Variants in NTRK3 observed in about 807,000 individuals in gnomAD.
NTRK3 encodes the protein neurotrophic receptor tyrosine kinase 3, also known as NT-3 growth factor receptor.
In NTRK3, 24 loss-of-function variants were observed where a neutral mutation model predicts 91.7. The ratio of observed to expected loss-of-function variants is 0.26; its 90% CI spans 0.19 to 0.37. NTRK3 has a LOEUF of 0.37. NTRK3 is among the 10% of genes least tolerant of loss of function. NTRK3 has a pLI of 1.00. For synonymous variants in NTRK3, 483 were observed against 404.0 expected (o/e 1.20, Z -2.34); for missense variants, 880 against 1,068.9 (o/e 0.82, Z 2.46).
intron 13 of NTRK3, among the ~76,000 whole-genome samples, chr15:88,074,932 T>C (rs897615345): frequency 6.6e-6 from 1 of 152,192 alleles, no homozygotes; most frequent in African/African-American, 2.4e-5. Context: ...TGAGCTGATG[T>C]ATGATGTAAG....
At chr15:88,080,633 G>C (rs1288615311) in intron 13 of NTRK3, among the ~76,000 whole-genome samples, 1 of 152,214 alleles carries the variant, frequency 6.6e-6, no homozygotes, top group Non-Finnish European at 1.5e-5. Flanking sequence ...ATCACTTACA[G>C]GAAGTCCCAG....
chr15:88,090,474 T>C (rs1014473206), intron 13 of NTRK3, among the ~76,000 whole-genome samples: 38 of 152,020 alleles, frequency 2.5e-4, no homozygotes, highest in African/African-American at 8.0e-4. Flanking sequence ...TATAAATATA[T>C]ACAAAAAGGA....
intron 14 of NTRK3, among the ~76,000 whole-genome samples, chr15:88,016,628 C>A (rs2077249506): frequency 6.6e-6 from 1 of 152,226 alleles, no homozygotes; most frequent in East Asian, 1.9e-4. Context: ...TACATTCCAA[C>A]ACTGTAAGAT....
chr15:87,936,174 A>G (rs1287495596), intron 15 of NTRK3, among the ~76,000 whole-genome samples: 1 of 152,238 alleles, frequency 6.6e-6, no homozygotes, highest in African/African-American at 2.4e-5. Context: ...GAACCGATTT[A>G]TCATAGTTAC....
intron 3 of NTRK3, among the ~76,000 whole-genome samples, chr15:88,244,948 C>T (rs1392954839): frequency 6.6e-6 from 1 of 152,248 alleles, no homozygotes; most frequent in Non-Finnish European, 1.5e-5. Context: ...AGATTTCTGG[C>T]ATCCAGATTT....
rs182059726 is a variant in NTRK3, at chr15:88,167,442, G to A, written c.395+15976C>T. 6.3e-3 allele frequency among the ~76,000 whole-genome samples: 963 copies of A among 152,226 alleles called. 37 individuals carry two copies. The highest frequency in any genetic ancestry group is 0.058 in the Admixed American group (889 of 15,278). ...TGAAAAAGTCTGAGACCTGGGTCCC[G>A]GCTCCTACTCTACTACTTCTAGCTG... On this transcript the variant is annotated intron_variant, in intron 5 of 18. Transcript: ENST00000394480.
At chr15:87,867,719 G>A in exon 19 of NTRK3, 1 of 228,898 alleles carries the variant, frequency 4.4e-6, no homozygotes, top group Non-Finnish European at 8.7e-6. Flanking sequence ...TTGAGTGTCT[G>A]AGCTTCATAT....
At chr15:88,197,658 C>A (rs1335273741) in intron 3 of NTRK3, among the ~76,000 whole-genome samples, 1 of 152,214 alleles carries the variant, frequency 6.6e-6, no homozygotes, top group African/African-American at 2.4e-5. Flanking sequence ...CAGCTGGAAG[C>A]TGAGAGGAAA....
chr15:87,871,458 C>T, exon 19 of NTRK3: 1 of 230,412 alleles, frequency 4.3e-6, no homozygotes, highest in East Asian at 6.1e-5. Flanking sequence ...TCTGTCTCAC[C>T]CCTCCTAGGG....
intron 13 of NTRK3, among the ~76,000 whole-genome samples, chr15:88,124,701 C>T (rs114745289): frequency 1.4e-4 from 21 of 152,318 alleles, no homozygotes; most frequent in African/African-American, 5.1e-4. Context: ...GTCTCATCTT[C>T]TAGATCTAGA....
intron 14 of NTRK3, among the ~76,000 whole-genome samples, chr15:88,005,431 C>T (rs1420964172): frequency 6.6e-6 from 1 of 152,186 alleles, no homozygotes; most frequent in Non-Finnish European, 1.5e-5. Flanking sequence ...ATGGGTCCAG[C>T]AAAGGGCCTG....
chr15:88,225,660 T>C (rs1267629428), intron 3 of NTRK3, among the ~76,000 whole-genome samples: 1 of 152,110 alleles, frequency 6.6e-6, no homozygotes, highest in Non-Finnish European at 1.5e-5. Context: ...GTCACAATTA[T>C]CAGTACAAGC....
At chr15:88,080,105 A>T (rs570541961) in intron 13 of NTRK3, among the ~76,000 whole-genome samples, 80 of 152,344 alleles carry the variant, frequency 5.3e-4, no homozygotes, top group African/African-American at 1.8e-3. Flanking sequence ...CAGATTTTGT[A>T]TTGTTGGACA....
At chr15:88,115,123 C>T (rs1244938973) in intron 13 of NTRK3, among the ~76,000 whole-genome samples, 2 of 152,122 alleles carry the variant, frequency 1.3e-5, no homozygotes, top group African/African-American at 4.8e-5. Context: ...TGTCAAGCCA[C>T]TTTCCAGAAA....
chr15:87,893,070 A>G (rs1265017941), intron 17 of NTRK3, among the ~76,000 whole-genome samples: 2 of 152,336 alleles, frequency 1.3e-5, no homozygotes, highest in Middle Eastern at 3.4e-3. Flanking sequence ...TGCAACGGAC[A>G]TATATATTTT....
At chr15:88,043,810 T>A (rs762224294) in intron 13 of NTRK3, among the ~76,000 whole-genome samples, 2 of 152,072 alleles carry the variant, frequency 1.3e-5, no homozygotes, top group Admixed American at 6.5e-5. Context: ...AAGAAGAAAA[T>A]CCTTTTCTGG....
chr15:87,952,063 G>A (rs993324413), intron 14 of NTRK3, among the ~76,000 whole-genome samples: 2 of 152,110 alleles, frequency 1.3e-5, no homozygotes, highest in Non-Finnish European at 2.9e-5. Flanking sequence ...GGAGGCAGAG[G>A]TTGCAGTCAG....
chr15:88,044,612 G>T (rs942609341), intron 13 of NTRK3, among the ~76,000 whole-genome samples: 2 of 117,990 alleles, frequency 1.7e-5, no homozygotes, highest in African/African-American at 6.5e-5. Flanking sequence ...ATAATCATAC[G>T]GCCAAAAGCA....
At chr15:88,169,694 C>G (rs777336214) in intron 5 of NTRK3, among the ~76,000 whole-genome samples, 4 of 152,196 alleles carry the variant, frequency 2.6e-5, no homozygotes, top group Non-Finnish European at 5.9e-5. Flanking sequence ...CAGTCTGGTT[C>G]CAGGTCTAGT....
Sources: gnomAD v4.1 joint callset for allele counts (sites outside exome capture counted in the v4.1 genomes callset) on GRCh38, gnomAD v4.1.1 for gene constraint, MANE v1.5 for transcripts, NCBI Gene and HGNC (gene_info 2026-07-23, HGNC 2026-07-21) for gene names.